NTRK2: variants seen among roughly 807,000 people sequenced by gnomAD.
NTRK2 encodes neurotrophic receptor tyrosine kinase 2.
NTRK2 carries 13 observed loss-of-function variants against 94.5 expected under a neutral mutation model. The ratio of observed to expected loss-of-function variants is 0.14; its 90% CI spans 0.09 to 0.22. NTRK2 has a LOEUF of 0.22. Ranked by LOEUF, NTRK2 falls within the 10% of genes least tolerant of loss-of-function variation. The pLI is 1.00. For missense variants in NTRK2, 639 were observed against 1,071.2 expected (o/e 0.60, Z 5.63); for synonymous variants, 372 against 407.4 (o/e 0.91, Z 1.05).
intron 14 of NTRK2, among the ~76,000 whole-genome samples, chr9:84,891,620 T>C (rs138149834): frequency 6.6e-6 from 1 of 152,324 alleles, no homozygotes; most frequent in African/African-American, 2.4e-5. Context: ...AAAGGTTAGG[T>C]CTTGGGACCC....
chr9:85,026,181 CTG>C lies in NTRK2; in HGVS notation c.*4747_*4748del. On this transcript the variant is annotated 3_prime_UTR_variant, in exon 19 of 19. Coordinates refer to ENST00000277120, the MANE Select transcript of NTRK2 (RefSeq NM_006180.6). ...CTGTATATGTGTTGTAGGCAAAACA[CTG>C]TGAATTTCACAACAACCACCACCAA... 8.8e-6 allele frequency: 2 copies of C among 227,528 alleles called. No homozygotes were observed. Among genetic ancestry groups the C allele is most frequent in the East Asian group, 6.2e-5 (1 of 16,070 alleles). The allele number at this position is 227,528 out of a possible 1,614,324, so 14.1% of individuals were successfully genotyped here.
intron 12 of NTRK2, among the ~76,000 whole-genome samples, chr9:84,820,356 G>T (rs763221053): frequency 1.3e-4 from 20 of 151,998 alleles, no homozygotes; most frequent in Non-Finnish European, 2.6e-4. Flanking sequence ...TTGTAAGAGA[G>T]ATCGGGTTTC....
At chr9:84,684,616 G>A (rs1490237422) in intron 2 of NTRK2, among the ~76,000 whole-genome samples, 1 of 152,200 alleles carries the variant, frequency 6.6e-6, no homozygotes, top group Non-Finnish European at 1.5e-5. Context: ...GAAACTGGGA[G>A]TGTCTGCTTT....
chr9:84,737,567 A>G (rs780963555), intron 9 of NTRK2, among the ~76,000 whole-genome samples: 2 of 152,078 alleles, frequency 1.3e-5, no homozygotes, highest in Non-Finnish European at 2.9e-5. Flanking sequence ...GGAGGTGCAG[A>G]CCTCACTGGC....
At chr9:84,941,377 T>G (rs1270553776) in intron 15 of NTRK2, among the ~76,000 whole-genome samples, 1 of 152,238 alleles carries the variant, frequency 6.6e-6, no homozygotes, top group Non-Finnish European at 1.5e-5. Flanking sequence ...CAGGGATCTG[T>G]TTTTTGAATT....
chr9:84,810,439 T>C, intron 12 of NTRK2: 1 of 1,053,498 alleles, frequency 9.5e-7, no homozygotes, highest in East Asian at 2.6e-5. Context: ...TCATTTTTGA[T>C]GTTTATTTAT....
chr9:84,918,567 C>A (rs989887830), intron 14 of NTRK2, among the ~76,000 whole-genome samples: 3 of 152,106 alleles, frequency 2.0e-5, no homozygotes, highest in Non-Finnish European at 2.9e-5. Flanking sequence ...GATAGAAGAC[C>A]AATGGATGAA....
At chr9:84,733,318 G>C (rs1199815815) in intron 9 of NTRK2, among the ~76,000 whole-genome samples, 1 of 152,242 alleles carries the variant, frequency 6.6e-6, no homozygotes, top group Non-Finnish European at 1.5e-5. Context: ...TTCTCAGCCA[G>C]TTCCTTTGTG....
intron 17 of NTRK2, among the ~76,000 whole-genome samples, chr9:84,982,014 G>A (rs925134195): frequency 1.3e-5 from 2 of 152,322 alleles, no homozygotes; most frequent in Non-Finnish European, 1.5e-5. Flanking sequence ...TACTGCATAA[G>A]CATTCTGATT....
At chr9:84,840,529 C>T (rs971984820) in intron 12 of NTRK2, among the ~76,000 whole-genome samples, 2 of 152,036 alleles carry the variant, frequency 1.3e-5, no homozygotes, top group Non-Finnish European at 2.9e-5. Context: ...CCTCTTTTGC[C>T]TGTTGAAAGA....
At chr9:84,731,844 C>T (rs893017957) in intron 9 of NTRK2, among the ~76,000 whole-genome samples, 4 of 152,134 alleles carry the variant, frequency 2.6e-5, no homozygotes, top group Non-Finnish European at 2.9e-5. Flanking sequence ...GAGTGCTGGG[C>T]CTTGCAGACT....
At chr9:84,734,970 A>G (rs1321099329) in intron 9 of NTRK2, among the ~76,000 whole-genome samples, 1 of 152,068 alleles carries the variant, frequency 6.6e-6, no homozygotes, top group Non-Finnish European at 1.5e-5. Context: ...TTCATTTGGA[A>G]TGTAGCCTAG....
chr9:84,885,362 C>A (rs535769425), intron 14 of NTRK2, among the ~76,000 whole-genome samples: 70 of 152,236 alleles, frequency 4.6e-4, no homozygotes, highest in Admixed American at 8.5e-4. Context: ...CCAGCTATTA[C>A]GTGTTTTTTT....
chr9:84,821,479 A>T (rs2072826580), intron 12 of NTRK2, among the ~76,000 whole-genome samples: 1 of 152,176 alleles, frequency 6.6e-6, no homozygotes, highest in African/African-American at 2.4e-5. Flanking sequence ...GCTCTTCTTA[A>T]AAAACTTTCC....
chr9:84,903,881 C>T (rs2077002791), intron 14 of NTRK2, among the ~76,000 whole-genome samples: 1 of 152,082 alleles, frequency 6.6e-6, no homozygotes, highest in African/African-American at 2.4e-5. Context: ...ATGCATCCAC[C>T]ATTACTGATG....
chr9:84,735,470 A>G (rs7018602), intron 9 of NTRK2, among the ~76,000 whole-genome samples: 18,026 of 152,200 alleles, frequency 0.12, 2,206 homozygotes, highest in African/African-American at 0.31. Context: ...AGCTGGAGGG[A>G]CCACTGGAAG....
intron 17 of NTRK2, among the ~76,000 whole-genome samples, chr9:84,962,548 G>A (rs935873815): frequency 1.3e-5 from 2 of 151,914 alleles, no homozygotes; most frequent in Non-Finnish European, 2.9e-5. Flanking sequence ...TACTTTATAC[G>A]TAGAAGTGCT....
chr9:84,729,054 G>A lies in NTRK2; in HGVS notation c.1159+1095G>A, dbSNP rs116903742. Among the ~76,000 whole-genome samples the A allele has an allele frequency of 3.9e-5, 6 of 152,314 alleles. No homozygotes were observed. The East Asian group carries it at 1.2e-3, about 29-fold the overall frequency. ...AGAAGGGAAAATAGAACCCTGGGGA[G>A]ACTTGTAAGGCAGGGGCTGCTTGGG... On this transcript the variant is annotated intron_variant, in intron 9 of 18. Coordinates refer to ENST00000277120, the MANE Select transcript of NTRK2 (RefSeq NM_006180.6).
chr9:84,709,649 C>T (rs930879878), intron 5 of NTRK2, among the ~76,000 whole-genome samples: 16 of 152,040 alleles, frequency 1.1e-4, no homozygotes, highest in African/African-American at 1.2e-4. Context: ...CCTGTCTTCA[C>T]GGAAATCTTA....
Sources: allele counts gnomAD v4.1 joint callset (sites outside exome capture counted in the v4.1 genomes callset), GRCh38; gene constraint gnomAD v4.1.1; transcripts MANE v1.5; gene names NCBI Gene and HGNC (gene_info 2026-07-23, HGNC 2026-07-21).